Variants in EPHX2 observed in about 807,000 individuals in gnomAD.
EPHX2 encodes the protein bifunctional epoxide hydrolase 2.
Under a neutral mutation model 78.7 loss-of-function variants are expected in EPHX2, and 74 were observed. That is an observed-to-expected ratio of 0.94 (90% confidence interval 0.78 to 1.14). The LOEUF (loss-of-function observed/expected upper bound fraction) is 1.14, where lower values mean the gene tolerates loss of function less well. Among genes scored for constraint, EPHX2 ranks in the 50% most tolerant of loss-of-function variants. EPHX2 has a pLI of 0.00. For synonymous variants in EPHX2, 251 were observed against 255.2 expected (o/e 0.98, Z 0.16); for missense variants, 715 against 702.5 (o/e 1.02, Z -0.20).
intron 15 of EPHX2, 97 bp from the exon 16 acceptor site, chr8:27,541,376 C>T (rs1815394869): frequency 3.0e-6 from 4 of 1,324,672 alleles, no homozygotes; most frequent in Middle Eastern, 3.7e-4. Flanking sequence ...TTGCTCTTCC[C>T]AGGACGACTG....
At chr8:27,537,879 G>A (rs1401346842) in intron 13 of EPHX2, among the ~76,000 whole-genome samples, 1 of 152,042 alleles carries the variant, frequency 6.6e-6, no homozygotes, top group African/African-American at 2.4e-5. Flanking sequence ...TGTGGGTTTT[G>A]TAATTTTGGT....
intron 1 of EPHX2, among the ~76,000 whole-genome samples, chr8:27,491,907 T>C (rs764112056): frequency 3.6e-4 from 55 of 152,160 alleles, no homozygotes; most frequent in South Asian, 2.1e-4. Context: ...TCAAATGAGA[T>C]TAGGAATAAT....
At chr8:27,525,841 C>T (rs1189110493) in intron 12 of EPHX2, among the ~76,000 whole-genome samples, 6 of 152,192 alleles carry the variant, frequency 3.9e-5, no homozygotes, top group Non-Finnish European at 7.3e-5. Flanking sequence ...CTGCAACAGG[C>T]CCCACATGTG....
chr8:27,520,681 G>A (rs1449156171), intron 9 of EPHX2, among the ~76,000 whole-genome samples: 1 of 152,072 alleles, frequency 6.6e-6, no homozygotes, highest in Non-Finnish European at 1.5e-5. Flanking sequence ...CAGACCCGTT[G>A]GATTAGGGCT....
At chr8:27,510,674 A>G (rs1814204895) in intron 5 of EPHX2, among the ~76,000 whole-genome samples, 1 of 152,128 alleles carries the variant, frequency 6.6e-6, no homozygotes, top group Non-Finnish European at 1.5e-5. Context: ...GAGATTAAGC[A>G]CAGGAGCCGT....
chr8:27,493,499 T>G lies in EPHX2; in HGVS notation c.101+2190T>G, dbSNP rs1031234840. ...CTGTCTGAGAAATCCTTTGAGAGTGTATGGTAGTAGGATAATGAAGTAGTT... is the reference window on the plus strand; with the variant it reads ...CTGTCTGAGAAATCCTTTGAGAGTGGATGGTAGTAGGATAATGAAGTAGTT... On this transcript the variant is annotated intron_variant, in intron 1 of 18. Coordinates refer to ENST00000521400, the MANE Select transcript of EPHX2 (RefSeq NM_001979.6). 9.9e-5 allele frequency among the ~76,000 whole-genome samples: 15 copies of G among 152,130 alleles called. 1 individual carries two copies. The highest frequency in any genetic ancestry group is 9.2e-4 in the Admixed American group (14 of 15,276).
At chr8:27,525,165 T>C (rs1489175518) in intron 11 of EPHX2, among the ~76,000 whole-genome samples, 197 bp from the exon 12 acceptor site, 1 of 151,232 alleles carries the variant, frequency 6.6e-6, no homozygotes, top group Non-Finnish European at 1.5e-5. Context: ...TACTGCAGTT[T>C]AGTAGGAAAA....
At chr8:27,497,900 G>A (rs769988362) in intron 1 of EPHX2, among the ~76,000 whole-genome samples, 4 of 152,128 alleles carry the variant, frequency 2.6e-5, no homozygotes, top group African/African-American at 7.2e-5. Context: ...TACTGGGGAC[G>A]GCTTGTTGAC....
At chr8:27,492,190 G>C (rs1813403676) in intron 1 of EPHX2, among the ~76,000 whole-genome samples, 1 of 152,126 alleles carries the variant, frequency 6.6e-6, no homozygotes, top group South Asian at 2.1e-4. Context: ...TCCATGTCCG[G>C]AGCCTTTGCT....
chr8:27,543,738 T>C lies in EPHX2; in HGVS notation c.1450-11T>C, dbSNP rs778536428. On this transcript the variant is annotated splice_polypyrimidine_tract_variant and intron_variant, in intron 16 of 18. Coordinates refer to ENST00000521400, the MANE Select transcript of EPHX2 (RefSeq NM_001979.6). The stretch of plus-strand genomic sequence containing the variant: ...AGTGCTGGCCACTTCTGTTTCCTGT[T>C]CTCCCCCCAGATCCTGATTCCGGCC... 6.2e-6 allele frequency: 10 copies of C among 1,613,630 alleles called. No homozygotes were observed. In the Admixed American group the frequency reaches 1.7e-4, roughly 27 times the overall value.
At chr8:27,519,483 C>G (rs189750664) in intron 9 of EPHX2, among the ~76,000 whole-genome samples, 1 of 152,210 alleles carries the variant, frequency 6.6e-6, no homozygotes, top group Non-Finnish European at 1.5e-5. Flanking sequence ...GTCTTCCGTC[C>G]CCCTCCAGTA....
At chr8:27,501,046 A>G (rs776423485) in intron 2 of EPHX2, 36 bp downstream of exon 2, 4 of 1,581,702 alleles carry the variant, frequency 2.5e-6, no homozygotes, top group Non-Finnish European at 3.5e-6. Flanking sequence ...CCTTTGGATG[A>G]ACGTTCTCTG....
At chr8:27,519,554 A>AT (rs1174730004) in intron 9 of EPHX2, among the ~76,000 whole-genome samples, 1 of 152,230 alleles carries the variant, frequency 6.6e-6, no homozygotes, top group Admixed American at 6.5e-5. Context: ...GTATTGGCAT[A>AT]CACTGAATAA....
intron 12 of EPHX2, among the ~76,000 whole-genome samples, chr8:27,530,519 A>T (rs1815000535): frequency 6.6e-6 from 1 of 152,180 alleles, no homozygotes; most frequent in Non-Finnish European, 1.5e-5. Flanking sequence ...TATAAATGGA[A>T]TCATGCTGCT....
At chr8:27,546,800 T>G (rs1815583644), downstream of EPHX2, among the ~76,000 whole-genome samples, 3 of 152,238 alleles carry the variant, frequency 2.0e-5, no homozygotes, top group Admixed American at 2.0e-4. Context: ...GATTGAGGGC[T>G]GTATCGGTCT....
intron 9 of EPHX2, among the ~76,000 whole-genome samples, chr8:27,519,622 G>A (rs1814575734): frequency 6.6e-6 from 1 of 152,230 alleles, no homozygotes; most frequent in Non-Finnish European, 1.5e-5. Flanking sequence ...GAAGGGAAGG[G>A]TGATGTCGTG....
intron 2 of EPHX2, among the ~76,000 whole-genome samples, chr8:27,502,806 C>T (rs558116996): frequency 8.5e-5 from 13 of 152,152 alleles, no homozygotes; most frequent in Non-Finnish European, 1.6e-4. Context: ...TTCATTTTAC[C>T]TTAAGTACCT....
At chr8:27,545,887 C>T (rs1002377243), downstream of EPHX2, among the ~76,000 whole-genome samples, 1 of 152,126 alleles carries the variant, frequency 6.6e-6, no homozygotes, top group African/African-American at 2.4e-5. Flanking sequence ...CATTTCTTCA[C>T]TGCCCTAGTG....
chr8:27,514,275 C>T (rs1277346635), intron 6 of EPHX2, among the ~76,000 whole-genome samples: 2 of 152,146 alleles, frequency 1.3e-5, no homozygotes, highest in African/African-American at 4.8e-5. Flanking sequence ...CCCCTGCCCT[C>T]CAGCCTGGGC....
Sources: gnomAD v4.1 joint callset for allele counts (sites outside exome capture counted in the v4.1 genomes callset) on GRCh38, gnomAD v4.1.1 for gene constraint, MANE v1.5 for transcripts, NCBI Gene and HGNC (gene_info 2026-07-23, HGNC 2026-07-21) for gene names.